Variants in DMXL1 observed in about 807,000 individuals in gnomAD.
The protein encoded by DMXL1 is dmX-like protein 1.
A neutral mutation model predicts 319.2 loss-of-function variants in DMXL1; 99 were observed. The ratio of observed to expected loss-of-function variants is 0.31; its 90% CI spans 0.26 to 0.37. DMXL1 has a LOEUF of 0.37. Among genes scored for constraint, DMXL1 ranks in the 10% least tolerant of loss-of-function variants. The pLI is 1.00. For missense variants in DMXL1, 3,745 were observed against 3,595.6 expected, an observed-to-expected ratio of 1.04 and a Z score of -1.06; for synonymous variants, 1,385 against 1,235.2, an observed-to-expected ratio of 1.12 and a Z score of -2.54.
chr5:119,139,698 T>G (rs1258646910), intron 13 of DMXL1, among the ~76,000 whole-genome samples: 1 of 152,136 alleles, frequency 6.6e-6, no homozygotes, highest in Non-Finnish European at 1.5e-5. Flanking sequence ...CACTTCAATG[T>G]CAGTATTAGA....
At chr5:119,131,411 T>G (rs1192883146) in intron 10 of DMXL1, among the ~76,000 whole-genome samples, 2 of 152,136 alleles carry the variant, frequency 1.3e-5, no homozygotes, top group African/African-American at 4.8e-5. Context: ...CATAAATGCA[T>G]TTCCTTGAAA....
rs1347444364 is a variant in DMXL1 at position 119,248,881 on chromosome 5, T to C, written c.*1662T>C. 6.6e-6 allele frequency: 1 copy of C among 152,500 alleles called. No homozygotes were observed. Among genetic ancestry groups the C allele is most frequent in the Non-Finnish European group, 1.5e-5 (1 of 67,932 alleles). The allele number at this position is 152,500 out of a possible 1,614,324, so 9.4% of individuals were successfully genotyped here. A position where few individuals can be genotyped will look rare whatever the true frequency, so the allele number is the denominator to read the frequency against. On this transcript the variant is annotated 3_prime_UTR_variant, in exon 44 of 44. Transcript: ENST00000539542. ...AATCTGACAGCATTGCAAACAATAG[T>C]ATTGTTTGATGTAGTTAACCTTAAG...
intron 29 of DMXL1, among the ~76,000 whole-genome samples, chr5:119,193,205 TTACCATGGCCTAC>T (rs1403355995): frequency 1.3e-5 from 2 of 152,152 alleles, no homozygotes. Context: ...TTACATTCCT[TTACCATGGCCTAC>T]AAGACCCTGT....
intron 1 of DMXL1, among the ~76,000 whole-genome samples, chr5:119,091,998 A>C (rs1263642392): frequency 1.1e-4 from 17 of 152,082 alleles, no homozygotes; most frequent in Admixed American, 1.1e-3. Context: ...CTGCTAGAGA[A>C]CCCAATATGG....
At chr5:119,151,059 A>G (rs1581033884) in intron 18 of DMXL1, among the ~76,000 whole-genome samples, 2 of 152,162 alleles carry the variant, frequency 1.3e-5, no homozygotes, top group Admixed American at 1.3e-4. Flanking sequence ...AATTATTTTA[A>G]GTACCTAAAA....
chr5:119,242,556 C>G (rs1002209870), intron 42 of DMXL1, among the ~76,000 whole-genome samples: 22 of 152,248 alleles, frequency 1.4e-4, no homozygotes, highest in African/African-American at 5.1e-4. Context: ...TTTATAGATT[C>G]AACACAATCC....
intron 9 of DMXL1, chr5:119,128,008 G>A (rs1382378121): frequency 9.8e-6 from 4 of 407,852 alleles, no homozygotes; most frequent in African/African-American, 8.4e-5. Flanking sequence ...TGAGGCATCT[G>A]ACATCTGTTT....
chr5:119,171,905 A>G lies in DMXL1; in HGVS notation c.6617A>G (p.His2206Arg). Residue 2206 changes from histidine to arginine, a missense_variant, in exon 25 of 44, where the codon CAT becomes CGT. By Grantham distance (29) the His-to-Arg change is conservative. Coordinates refer to ENST00000539542, the MANE Select transcript of DMXL1 (RefSeq NM_001290321.3). ...TTATTGCACCTTAGTAATCTGACAC[A>G]TGATATTCTCCATGCCATAATAAAC... ...NPLLHLSNLT[H>R]DILHAIINFD... The G allele has an allele frequency of 6.2e-7, 1 of 1,613,920 alleles. No individual in the cohort carries two copies. The highest frequency in any genetic ancestry group is 2.2e-5 in the East Asian group (1 of 44,842).
chr5:119,175,409 G>C, intron 26 of DMXL1, 72 bp downstream of exon 26: 1 of 1,106,350 alleles, frequency 9.0e-7, no homozygotes, highest in Non-Finnish European at 1.3e-6. Context: ...TATGTTAGTG[G>C]TTTAGAACTA....
intron 3 of DMXL1, 49 bp downstream of exon 3, chr5:119,102,055 T>A: frequency 8.3e-7 from 1 of 1,208,982 alleles, no homozygotes. Flanking sequence ...GTTTTAAGTA[T>A]TGAAAGAGTG....
chr5:119,116,137 T>C (rs765546433), intron 6 of DMXL1, 21 bp from the exon 7 acceptor site: 3 of 1,570,160 alleles, frequency 1.9e-6, no homozygotes, highest in African/African-American at 2.8e-5. Flanking sequence ...TGATTTTCTG[T>C]TTTGTTTTTT....
chr5:119,123,398 G>T (rs1762729381), intron 9 of DMXL1, among the ~76,000 whole-genome samples: 1 of 84,460 alleles, frequency 1.2e-5, no homozygotes, highest in Non-Finnish European at 2.5e-5. Flanking sequence ...GGGAGAGGAG[G>T]GGGAGGGAGA....
Position 119,162,078 on chromosome 5 carries a change from C to CTTTGTA in DMXL1, c.4703-2429_4703-2428insTTTGTA, listed in dbSNP as rs2150209917. Among the ~76,000 whole-genome samples the CTTTGTA allele has an allele frequency of 2.6e-5, 4 of 152,280 alleles. No homozygotes were observed. In the East Asian group the frequency reaches 7.7e-4, roughly 29 times the overall value. On this transcript the variant is annotated intron_variant, in intron 19 of 43. Transcript: ENST00000539542. ...AACACTGGGGAAGCTCAATGTCTGA[C>CTTTGTA]CGTGGCTTTCTTTTTCCACTGTACA...
chr5:119,173,736 G>GTATATATATGTGTGTGTA (rs1775124203), intron 25 of DMXL1, among the ~76,000 whole-genome samples: 1 of 111,918 alleles, frequency 8.9e-6, no homozygotes, highest in Non-Finnish European at 1.8e-5. Context: ...ATATATGTGT[G>GTATATATATGTGTGTGTA]TATATATATA....
rs559892917 is a variant in DMXL1 at position 119,188,061 on chromosome 5, C to T, written c.7136-1647C>T. 6.5e-4 allele frequency among the ~76,000 whole-genome samples: 99 copies of T among 152,268 alleles called. 1 individual carries two copies. The highest frequency in any genetic ancestry group is 1.2e-3 in the Non-Finnish European group (81 of 68,006). Reference sequence around the variant, plus strand: ...TATTTTCATGTCACGTGACTGGATTCACAGCTTGTAGTTTCAAATGTTTCT... The same window carrying T: ...TATTTTCATGTCACGTGACTGGATTTACAGCTTGTAGTTTCAAATGTTTCT... On this transcript the variant is annotated intron_variant, in intron 28 of 43. Coordinates refer to ENST00000539542, the MANE Select transcript of DMXL1 (RefSeq NM_001290321.3).
At chr5:119,177,326 C>A in intron 26 of DMXL1, 31 bp from the exon 27 acceptor site, 11 of 1,378,272 alleles carry the variant, frequency 8.0e-6, no homozygotes, top group South Asian at 1.6e-5. Flanking sequence ...TAAAATTTAT[C>A]ATAGATTTAA....
intron 34 of DMXL1, among the ~76,000 whole-genome samples, chr5:119,212,556 T>C (rs1782984590): frequency 6.6e-6 from 1 of 152,166 alleles, no homozygotes; most frequent in Admixed American, 6.5e-5. Context: ...TTTTTTGGGG[T>C]ATATACAGAA....
intron 13 of DMXL1, among the ~76,000 whole-genome samples, chr5:119,135,954 A>G (rs1765898615): frequency 6.6e-6 from 1 of 152,244 alleles, no homozygotes; most frequent in Non-Finnish European, 1.5e-5. Flanking sequence ...GAACTGGGTA[A>G]CAGGCAGAGG....
intron 19 of DMXL1, among the ~76,000 whole-genome samples, chr5:119,157,500 A>G (rs905084308): frequency 6.6e-6 from 1 of 152,218 alleles, no homozygotes; most frequent in African/African-American, 2.4e-5. Flanking sequence ...ATTTTTGTAT[A>G]TGGTGTAAGA....
Sources: allele counts gnomAD v4.1 joint callset (sites outside exome capture counted in the v4.1 genomes callset), GRCh38; gene constraint gnomAD v4.1.1; transcripts MANE v1.5; gene names NCBI Gene and HGNC (gene_info 2026-07-23, HGNC 2026-07-21).